The following CTNNA2 variants were observed in gnomAD, a reference collection of about 807,000 sequenced individuals.
CTNNA2 encodes catenin alpha-2.
CTNNA2 carries 42 observed loss-of-function variants against 101.0 expected under a neutral mutation model. The ratio of observed to expected loss-of-function variants is 0.42; its 90% CI spans 0.32 to 0.54. CTNNA2 has a LOEUF of 0.54. CTNNA2 is among the 20% of genes least tolerant of loss of function. CTNNA2 has a pLI of 0.14. For missense variants in CTNNA2, 871 were observed against 1,223.1 expected (o/e 0.71, Z 4.29); for synonymous variants, 450 against 456.4 (o/e 0.99, Z 0.18).
At chr2:79,882,514 G>A (rs926981648) in intron 6 of CTNNA2, among the ~76,000 whole-genome samples, 1 of 152,208 alleles carries the variant, frequency 6.6e-6, no homozygotes, top group African/African-American at 2.4e-5. Context: ...CCGGTGTGTT[G>A]GGCTATGGGG....
At chr2:79,210,126 G>T (rs1406833006) in intron 2 of CTNNA2, among the ~76,000 whole-genome samples, 3 of 151,308 alleles carry the variant, frequency 2.0e-5, no homozygotes, top group South Asian at 4.2e-4. Context: ...TTAAGCAGAA[G>T]CAGAAGTTAA....
At position 80,234,417 on chromosome 2, in the gene CTNNA2, T is replaced by C. The variant is rs2149080833; in HGVS notation, c.1057-158794T>C. ...CCACCCTAACACCTCTAATTCTTTTTGGTGGCTTCTAGGAAAAGTGCTTTA... is the reference window on the plus strand; with the variant it reads ...CCACCCTAACACCTCTAATTCTTTTCGGTGGCTTCTAGGAAAAGTGCTTTA... On this transcript the variant is annotated intron_variant, in intron 7 of 18. Coordinates refer to ENST00000402739, the MANE Select transcript of CTNNA2 (RefSeq NM_001282597.3). 2.0e-5 allele frequency among the ~76,000 whole-genome samples: 3 copies of C among 152,364 alleles called. No homozygotes were observed. The Middle Eastern group carries it at 0.01, about 518-fold the overall frequency.
At chr2:79,360,499 G>T (rs1677604177) in intron 3 of CTNNA2, among the ~76,000 whole-genome samples, 1 of 152,204 alleles carries the variant, frequency 6.6e-6, no homozygotes, top group Non-Finnish European at 1.5e-5. Context: ...AAAGAGGCTT[G>T]AGCGCCAGAT....
intron 9 of CTNNA2, among the ~76,000 whole-genome samples, chr2:80,512,241 A>G (rs1302213370): frequency 1.3e-5 from 2 of 151,766 alleles, no homozygotes; most frequent in Non-Finnish European, 2.9e-5. Flanking sequence ...GATAATGTAG[A>G]TGTTTTAAAA....
intron 1 of CTNNA2, chr2:79,523,198 G>A (rs1472795987): frequency 1.9e-5 from 8 of 424,482 alleles, no homozygotes; most frequent in Middle Eastern, 3.4e-4. Flanking sequence ...ATTTTTGGCT[G>A]TCTACAGAGA....
At chr2:79,325,204 A>G (rs1225842708) in intron 3 of CTNNA2, among the ~76,000 whole-genome samples, 1 of 152,186 alleles carries the variant, frequency 6.6e-6, no homozygotes, top group Non-Finnish European at 1.5e-5. Flanking sequence ...AGGTATATCA[A>G]TGGGGGGAAA....
chr2:80,642,502 A>T (rs1673602923), intron 18 of CTNNA2, among the ~76,000 whole-genome samples: 2 of 152,202 alleles, frequency 1.3e-5, no homozygotes, highest in African/African-American at 4.8e-5. Context: ...GTCTGAAGAA[A>T]TACTTGGATG....
chr2:79,759,263 C>G (rs565456169), intron 3 of CTNNA2, among the ~76,000 whole-genome samples: 39 of 152,130 alleles, frequency 2.6e-4, no homozygotes, highest in African/African-American at 9.4e-4. Flanking sequence ...CACGATGATG[C>G]GCGTCTGTAA....
chr2:79,516,462 C>G (rs993752725), intron 1 of CTNNA2, among the ~76,000 whole-genome samples: 4 of 151,952 alleles, frequency 2.6e-5, no homozygotes, highest in Admixed American at 1.3e-4. Context: ...TGGGCTGGAA[C>G]AAAAGCAGAG....
chr2:79,533,984 T>C (rs946456236), intron 1 of CTNNA2, among the ~76,000 whole-genome samples: 7 of 152,166 alleles, frequency 4.6e-5, no homozygotes, highest in South Asian at 2.1e-4. Context: ...TCTGAGCCTT[T>C]ATAAAGCTTT....
intron 9 of CTNNA2, among the ~76,000 whole-genome samples, chr2:80,491,393 C>T (rs538914339): frequency 3.5e-4 from 54 of 152,270 alleles, no homozygotes; most frequent in South Asian, 3.5e-3. Flanking sequence ...AGATAGACAA[C>T]GGTTTTAATT....
At chr2:79,994,893 GGCTGTACCAGGAGGT>G (rs1205856871) in intron 7 of CTNNA2, among the ~76,000 whole-genome samples, 1 of 152,134 alleles carries the variant, frequency 6.6e-6, no homozygotes, top group Non-Finnish European at 1.5e-5. Flanking sequence ...AGAGAACCAA[GGCTGTACCAGGAGGT>G]GCCCAGTAAA....
intron 2 of CTNNA2, among the ~76,000 whole-genome samples, chr2:79,272,598 G>A (rs947268511): frequency 6.6e-6 from 1 of 151,948 alleles, no homozygotes; most frequent in Non-Finnish European, 1.5e-5. Context: ...TACACTTAAG[G>A]AAATTAAAAT....
intron 1 of CTNNA2, among the ~76,000 whole-genome samples, chr2:79,520,598 G>A (rs1239252990): frequency 1.3e-5 from 2 of 152,106 alleles, no homozygotes; most frequent in Non-Finnish European, 2.9e-5. Context: ...GTTTGACAAA[G>A]GACTTTATCT....
rs192660461 is a variant in CTNNA2 at position 80,581,290 on chromosome 2, C to A, written c.1894-416C>A. 5.3e-3 allele frequency among the ~76,000 whole-genome samples: 813 copies of A among 152,204 alleles called. 5 individuals carry two copies. Among genetic ancestry groups the A allele is most frequent in the African/African-American group, 0.019 (769 of 41,524 alleles). ...TTTGTGACCAAATCAGATATTCCAT[C>A]AGGTCTAGCCTTTGGCCTGGAGATA... On this transcript the variant is annotated intron_variant, in intron 13 of 18. Coordinates refer to ENST00000402739, the MANE Select transcript of CTNNA2 (RefSeq NM_001282597.3).
chr2:80,329,912 A>C (rs985754081), intron 7 of CTNNA2, among the ~76,000 whole-genome samples: 1 of 152,236 alleles, frequency 6.6e-6, no homozygotes, highest in African/African-American at 2.4e-5. Context: ...AAAGCTGAGG[A>C]TTGATTAGCA....
At chr2:79,340,560 G>A (rs1406836213) in intron 3 of CTNNA2, among the ~76,000 whole-genome samples, 8 of 152,234 alleles carry the variant, frequency 5.3e-5, no homozygotes, top group Admixed American at 1.3e-4. Flanking sequence ...GAGGCCGGGC[G>A]TGGTGGCTCA....
At chr2:79,186,737 T>G (rs747663390) in intron 1 of CTNNA2, among the ~76,000 whole-genome samples, 1 of 152,198 alleles carries the variant, frequency 6.6e-6, no homozygotes, top group African/African-American at 2.4e-5. Flanking sequence ...CTTCTCCCGT[T>G]GTCATAGCCT....
At chr2:80,408,725 C>T (rs962488513) in intron 8 of CTNNA2, among the ~76,000 whole-genome samples, 4 of 152,102 alleles carry the variant, frequency 2.6e-5, no homozygotes, top group African/African-American at 7.2e-5. Context: ...AGTAAGTAAT[C>T]GACTAGGGGT....
Sources: gnomAD v4.1 joint callset for allele counts (sites outside exome capture counted in the v4.1 genomes callset) on GRCh38, gnomAD v4.1.1 for gene constraint, MANE v1.5 for transcripts, NCBI Gene and HGNC (gene_info 2026-07-23, HGNC 2026-07-21) for gene names.